SREBF2: variants seen among roughly 807,000 people sequenced by gnomAD.
SREBF2 encodes sterol regulatory element binding transcription factor 2, also known as sterol regulatory element-binding protein 2.
In SREBF2, 55 loss-of-function variants were observed where a neutral mutation model predicts 113.1. That is an observed-to-expected ratio of 0.49 (90% CI 0.39 to 0.61). The LOEUF (loss-of-function observed/expected upper bound fraction) is 0.61, where lower values mean the gene tolerates loss of function less well. Among genes scored for constraint, SREBF2 ranks in the 20% least tolerant of loss-of-function variants. The probability of loss-of-function intolerance (pLI) is 0.00; values close to 1 mark genes in which losing one functional copy is unlikely to be tolerated. For missense variants in SREBF2, 1,349 were observed against 1,487.4 expected, an observed-to-expected ratio of 0.91 and a Z score of 1.53; for synonymous variants, 593 against 605.7, an observed-to-expected ratio of 0.98 and a Z score of 0.31.
chr22:41,873,770 T>C (rs2148386972), intron 4 of SREBF2, 28 bp from the exon 5 acceptor site: 1 of 1,572,128 alleles, frequency 6.4e-7, no homozygotes, highest in Non-Finnish European at 8.6e-7. Flanking sequence ...AAAGGGATCA[T>C]TCTGCTGTGT....
chr22:41,903,017 G>A lies in SREBF2; in HGVS notation c.2955G>A (p.Ala985=), dbSNP rs2077477836. 8 of 1,611,262 alleles carry A rather than the reference G, an allele frequency of 5.0e-6. No individual in the cohort carries two copies. Among genetic ancestry groups the A allele is most frequent in the Non-Finnish European group, 5.1e-6 (6 of 1,179,078 alleles). ...ACCTGCTACTGTCGCTACGGACAGC[G>A]CTCTGGCAAAAACAGGCCAGTGCCA... The part of the protein sequence containing the change: ...TCDLLLSLRT[A]LWQKQASASQ... Residue 985 remains alanine, a synonymous_variant, in exon 17 of 19, where the codon GCG becomes GCA. Coordinates refer to ENST00000361204, the MANE Select transcript of SREBF2 (RefSeq NM_004599.4).
At chr22:41,904,516 T>C in intron 17 of SREBF2, 1 of 524,212 alleles carries the variant, frequency 1.9e-6, no homozygotes, top group Non-Finnish European at 3.8e-6. Flanking sequence ...GTCACACCTG[T>C]CCTTTTGTCA....
At chr22:41,876,673 G>C (rs1353045596) in intron 7 of SREBF2, among the ~76,000 whole-genome samples, 1 of 152,084 alleles carries the variant, frequency 6.6e-6, no homozygotes, top group Non-Finnish European at 1.5e-5. Flanking sequence ...TACGGTCTTT[G>C]ATCAACTTCA....
At position 41,881,132 on chromosome 22, in the gene SREBF2, A is replaced by G; in HGVS notation, c.2038+140A>G. 5 of 1,133,252 alleles carry G rather than the reference A, an allele frequency of 4.4e-6. No homozygotes were observed. The South Asian group carries it at 4.5e-5, about 10-fold the overall frequency. The allele number at this position is 1,133,252 out of a possible 1,614,324, so 70.2% of individuals were successfully genotyped here. On this transcript the variant is annotated intron_variant, in intron 10 of 18. Coordinates refer to ENST00000361204, the MANE Select transcript of SREBF2 (RefSeq NM_004599.4). ...TTTAGAGTGGCTAGACCAAGCTTCT[A>G]CCTGTTTTCACAGCTGTAAGGTTGG...
intron 1 of SREBF2, among the ~76,000 whole-genome samples, chr22:41,840,652 A>C (rs1266300738): frequency 6.6e-6 from 1 of 152,192 alleles, no homozygotes; most frequent in African/African-American, 2.4e-5. Flanking sequence ...GCATTGTCTG[A>C]TTATCTTCTT....
rs781474748 is a variant in SREBF2, at chr22:41,906,814, A to T, written c.*1154A>T. 6.6e-6 allele frequency: 1 copy of T among 152,174 alleles called. No individual in the cohort carries two copies. The highest frequency in any genetic ancestry group is 6.5e-5 in the Admixed American group (1 of 15,284). The allele number at this position is 152,174 out of a possible 1,614,324, so 9.4% of individuals were successfully genotyped here. On this transcript the variant is annotated 3_prime_UTR_variant, in exon 19 of 19. Coordinates refer to ENST00000361204, the MANE Select transcript of SREBF2 (RefSeq NM_004599.4). ...TTTCAGAGTGGGCAGAGGGTTGCCT[A>T]TGGTGGGCACTAGGAATGAGGTCCC...
At chr22:41,887,607 C>T (rs147168287) in intron 11 of SREBF2, among the ~76,000 whole-genome samples, 1 of 152,256 alleles carries the variant, frequency 6.6e-6, no homozygotes, top group Admixed American at 6.5e-5. Context: ...CATTGTATGA[C>T]TAGATTATTG....
In SREBF2 at chr22:41,867,201, G is replaced by A. The variant is rs753512196; in HGVS notation, c.459G>A (p.Thr153=). ...TGCAACAACAGACGGTAATGATCACGCCAACATTCAGCACCACTCCGCAGA... is the reference window on the plus strand; with the variant it reads ...TGCAACAACAGACGGTAATGATCACACCAACATTCAGCACCACTCCGCAGA... ...TQLQQQTVMI[T]PTFSTTPQTR... is the part of the protein sequence containing the mutation. Residue 153 remains threonine (T), a synonymous_variant, in exon 2 of 19, where the codon ACG becomes ACA. Coordinates refer to ENST00000361204, the MANE Select transcript of SREBF2 (RefSeq NM_004599.4). 48 of 1,614,082 alleles carry A rather than the reference G, an allele frequency of 3.0e-5. No homozygotes were observed. The highest frequency in any genetic ancestry group is 3.8e-5 in the Non-Finnish European group (45 of 1,180,030).
chr22:41,860,187 C>T (rs2077014392), intron 1 of SREBF2, among the ~76,000 whole-genome samples: 7 of 150,054 alleles, frequency 4.7e-5, no homozygotes, highest in Admixed American at 4.7e-4. Flanking sequence ...GAAGTACTTG[C>T]AGACATTTAA....
chr22:41,877,677 C>T (rs1158832872), intron 8 of SREBF2, among the ~76,000 whole-genome samples: 2 of 152,140 alleles, frequency 1.3e-5, no homozygotes, highest in African/African-American at 4.8e-5. Context: ...AGGGGTGGTA[C>T]CTATTTGAAG....
At chr22:41,848,519 T>G (rs1017571712) in intron 1 of SREBF2, among the ~76,000 whole-genome samples, 3 of 152,228 alleles carry the variant, frequency 2.0e-5, no homozygotes, top group Non-Finnish European at 4.4e-5. Flanking sequence ...AGTCCCTGGC[T>G]GCAGCAAGGG....
chr22:41,887,173 CCACTGCACT>C (rs2077307662), intron 11 of SREBF2, among the ~76,000 whole-genome samples: 1 of 152,100 alleles, frequency 6.6e-6, no homozygotes, highest in Non-Finnish European at 1.5e-5. Context: ...CAAGATTGCA[CCACTGCACT>C]CCAGCCTGGG....
chr22:41,880,654 T>A (rs746610059), intron 9 of SREBF2, 62 bp from the exon 10 acceptor site: 210 of 1,605,674 alleles, frequency 1.3e-4, no homozygotes, highest in Non-Finnish European at 1.7e-4. Context: ...AGTAGAAGTC[T>A]ATATCAAAAC....
chr22:41,836,783 A>G (rs1247931762), intron 1 of SREBF2, among the ~76,000 whole-genome samples: 1 of 152,144 alleles, frequency 6.6e-6, no homozygotes, highest in Non-Finnish European at 1.5e-5. Context: ...CAGGTGAGGA[A>G]GGGGAGAGGC....
At chr22:41,884,001 C>T (rs778846811) in intron 10 of SREBF2, among the ~76,000 whole-genome samples, 78 of 152,208 alleles carry the variant, frequency 5.1e-4, no homozygotes, top group Non-Finnish European at 1.1e-3. Context: ...CCACTGTGCA[C>T]CTCTCATAGG....
chr22:41,877,846 G>A, intron 8 of SREBF2, 96 bp from the exon 9 acceptor site: 1 of 1,301,348 alleles, frequency 7.7e-7, no homozygotes, highest in Non-Finnish European at 1.1e-6. Flanking sequence ...AAATGAGGTA[G>A]AAGACTCTTT....
intron 1 of SREBF2, among the ~76,000 whole-genome samples, chr22:41,850,158 A>G (rs1238268898): frequency 1.4e-5 from 2 of 145,026 alleles, no homozygotes; most frequent in African/African-American, 5.2e-5. Context: ...AAAAGAAAGT[A>G]ATGAGATGGG....
chr22:41,851,891 G>T (rs940556117), intron 1 of SREBF2, among the ~76,000 whole-genome samples: 8 of 151,872 alleles, frequency 5.3e-5, no homozygotes, highest in Admixed American at 2.6e-4. Flanking sequence ...GGGGCCAAGG[G>T]GGGTGGATCA....
At chr22:41,900,614 A>G in intron 16 of SREBF2, 116 bp downstream of exon 16, 1 of 1,081,280 alleles carries the variant, frequency 9.2e-7, no homozygotes. Flanking sequence ...CAGAGAAACC[A>G]GGACAGCAGC....
Sources: allele counts gnomAD v4.1 joint callset (sites outside exome capture counted in the v4.1 genomes callset), GRCh38; gene constraint gnomAD v4.1.1; transcripts MANE v1.5; gene names NCBI Gene and HGNC (gene_info 2026-07-23, HGNC 2026-07-21).